The following RIC8B variants were observed in gnomAD, a reference collection of about 807,000 sequenced individuals.
The protein encoded by RIC8B is RIC8 guanine nucleotide exchange factor B, also known as chaperone Ric-8B.
A neutral mutation model predicts 57.5 loss-of-function variants in RIC8B; 16 were observed. The observed-to-expected ratio is 0.28, with a 90% CI of 0.19 to 0.42. The LOEUF (loss-of-function observed/expected upper bound fraction) is 0.42. Ranked by LOEUF, RIC8B falls within the 10% of genes least tolerant of loss-of-function variation. The probability of loss-of-function intolerance (pLI) is 1.00; values close to 1 mark genes in which losing one functional copy is unlikely to be tolerated. For synonymous variants in RIC8B, 216 were observed against 250.8 expected (o/e 0.86, Z 1.31); for missense variants, 481 against 677.0 (o/e 0.71, Z 3.21).
At chr12:106,777,921 A>G (rs1171691991) in intron 1 of RIC8B, among the ~76,000 whole-genome samples, 1 of 152,224 alleles carries the variant, frequency 6.6e-6, no homozygotes, top group Non-Finnish European at 1.5e-5. Context: ...CAGCCTGGCT[A>G]TGATCCTCAA....
intron 9 of RIC8B, 34 bp from the exon 10 acceptor site, chr12:106,885,870 C>G (rs2136694265): frequency 7.0e-7 from 1 of 1,433,140 alleles, no homozygotes; most frequent in Non-Finnish European, 9.8e-7. Flanking sequence ...CTGGTGAATA[C>G]TTTTTTTTCT....
chr12:106,843,295 G>A (rs571161100), intron 5 of RIC8B, among the ~76,000 whole-genome samples: 1 of 152,244 alleles, frequency 6.6e-6, no homozygotes, highest in Non-Finnish European at 1.5e-5. Flanking sequence ...AAGGCAGCAA[G>A]GTAGCATAGT....
intron 2 of RIC8B, among the ~76,000 whole-genome samples, chr12:106,809,536 A>AAAAC (rs1313032761): frequency 8.0e-6 from 1 of 124,972 alleles, no homozygotes; most frequent in African/African-American, 2.9e-5. Context: ...AAAAAAAAAA[A>AAAAC]AAAAAAAAAG....
At chr12:106,846,472 T>A (rs1949190870) in intron 6 of RIC8B, among the ~76,000 whole-genome samples, 1 of 152,118 alleles carries the variant, frequency 6.6e-6, no homozygotes, top group South Asian at 2.1e-4. Flanking sequence ...ATAGAGACCA[T>A]CTTTGAGGAA....
intron 3 of RIC8B, among the ~76,000 whole-genome samples, chr12:106,818,176 CT>C (rs968065459): frequency 3.6e-4 from 53 of 147,974 alleles, no homozygotes; most frequent in Middle Eastern, 3.2e-3. Flanking sequence ...ACTTTTTTTT[CT>C]TTTTTTTTTG....
At chr12:106,851,645 A>G in intron 7 of RIC8B, 51 bp downstream of exon 7, 1 of 1,528,532 alleles carries the variant, frequency 6.5e-7, no homozygotes, top group African/African-American at 1.4e-5. Context: ...AGGGACTTTG[A>G]GAAATTTAAT....
intron 8 of RIC8B, 86 bp downstream of exon 8, chr12:106,860,498 T>G: frequency 3.7e-6 from 4 of 1,077,274 alleles, no homozygotes; most frequent in Non-Finnish European, 5.0e-6. Flanking sequence ...CAAGTGTTTC[T>G]TTTCTCTTGT....
intron 6 of RIC8B, among the ~76,000 whole-genome samples, chr12:106,849,925 A>G (rs1483809265): frequency 6.6e-6 from 1 of 152,234 alleles, no homozygotes; most frequent in Admixed American, 6.5e-5. Flanking sequence ...GAAGAAATCA[A>G]CAATGGAGAT....
At chr12:106,800,510 G>C (rs2044684824) in intron 2 of RIC8B, among the ~76,000 whole-genome samples, 1 of 152,158 alleles carries the variant, frequency 6.6e-6, no homozygotes, top group African/African-American at 2.4e-5. Flanking sequence ...TTCAACATGA[G>C]ATTGAGGGGG....
At position 106,775,256 on chromosome 12, in the gene RIC8B, C is replaced by G. The variant is rs1035920046; in HGVS notation, c.84+427C>G. On this transcript the variant is annotated intron_variant, in intron 1 of 9. Transcript: ENST00000392837. ...AATGTATCAGCAACGATGGCAGTTT[C>G]TATACGTTTAGCACTGTACGGTTTT... The G allele has an allele frequency of 1.1e-5, 5 of 435,526 alleles. No homozygotes were observed. In the Admixed American group the frequency reaches 1.3e-4, roughly 12 times the overall value. 27.0% of individuals were successfully genotyped at this position (435,526 alleles called of 1,614,324 possible).
chr12:106,841,421 G>C (rs1948941280), intron 4 of RIC8B, among the ~76,000 whole-genome samples: 1 of 152,042 alleles, frequency 6.6e-6, no homozygotes, highest in Non-Finnish European at 1.5e-5. Context: ...CACAATTCAG[G>C]GTAGAGGAAA....
rs758876525 is a variant in RIC8B at position 106,853,453 on chromosome 12, C to CTTTTTTTTTTTTTTTT, written c.1306+1877_1306+1892dup. Among the ~76,000 whole-genome samples the CTTTTTTTTTTTTTTTT allele has an allele frequency of 2.1e-3, 80 of 38,038 alleles. 22 individuals carry two copies. The highest frequency in any genetic ancestry group is 4.8e-3 in the East Asian group (4 of 834). 25.0% of individuals were successfully genotyped at this position (38,038 alleles called of 152,430 possible). Reference sequence around the variant, plus strand: ...GACCTCAACAATTCTGCTTTATAGTCTTTTTTTTTTTTTTTTTTTTTTTTT... The same window carrying CTTTTTTTTTTTTTTTT: ...GACCTCAACAATTCTGCTTTATAGTCTTTTTTTTTTTTTTTTTTTTTTTTTTTTTTTTTTTTTTTTT... On this transcript the variant is annotated intron_variant, in intron 7 of 9. Transcript: ENST00000392837.
At chr12:106,797,557 G>A (rs73397313) in intron 2 of RIC8B, among the ~76,000 whole-genome samples, 17,497 of 152,182 alleles carry the variant, frequency 0.11, 1,145 homozygotes, top group Middle Eastern at 0.16. Flanking sequence ...TGATGAGAAT[G>A]TTCTAAAATT....
At chr12:106,794,594 T>C (rs114380385) in intron 2 of RIC8B, among the ~76,000 whole-genome samples, 1 of 151,998 alleles carries the variant, frequency 6.6e-6, no homozygotes, top group African/African-American at 2.4e-5. Context: ...AGCTGACTTA[T>C]CAGAAATGTA....
chr12:106,871,065 C>T, intron 9 of RIC8B, 123 bp downstream of exon 9: 2 of 944,368 alleles, frequency 2.1e-6, no homozygotes, highest in Admixed American at 2.9e-5. Context: ...ATAGGGTGGC[C>T]CAGGCAGCAG....
intron 9 of RIC8B, among the ~76,000 whole-genome samples, chr12:106,881,339 G>GTT (rs529698515): frequency 3.3e-4 from 47 of 141,914 alleles, no homozygotes; most frequent in African/African-American, 1.1e-3. Context: ...CTTTTGAGTT[G>GTT]TTTTTTTTTT....
Position 106,774,787 on chromosome 12 carries a change from A to G in RIC8B, c.42A>G (p.Glu14=). 1 of 1,553,998 alleles carries G rather than the reference A, an allele frequency of 6.4e-7. No homozygotes were observed. Among genetic ancestry groups the G allele is most frequent in the Non-Finnish European group, 8.7e-7 (1 of 1,148,216 alleles). ...ERALYIVRAG[E]AGAIERVLRD... ...CCCTCTACATCGTCCGGGCCGGCGA[A>G]GCAGGGGCTATCGAGCGGGTCCTGA... The change falls in exon 1 of 10, where the codon GAA becomes GAG. Residue 14 remains glutamate (E), a synonymous_variant. Coordinates refer to ENST00000392837, the MANE Select transcript of RIC8B (RefSeq NM_001330145.2).
chr12:106,814,737 C>G lies in RIC8B; in HGVS notation c.174C>G (p.Ile58Met), dbSNP rs1032893625. 1.2e-6 allele frequency: 2 copies of G among 1,612,978 alleles called. No homozygotes were observed. The highest frequency in any genetic ancestry group is 4.5e-5 in the East Asian group (2 of 44,880). The change falls in exon 3 of 10, where the codon ATC (isoleucine) becomes ATG (methionine). Residue 58 changes from isoleucine to methionine, a missense_variant. Physicochemically the swap from Ile to Met is conservative, Grantham distance 10 (BLOSUM62 1). Coordinates refer to ENST00000392837, the MANE Select transcript of RIC8B (RefSeq NM_001330145.2). The part of the protein sequence containing the change: ...EGIFKVLIKD[I>M]PTTCQVSCLE... ...TATTTAAAGTCCTTATAAAGGACAT[C>G]CCAACAACATGTCAAGTGTCCTGCC...
chr12:106,839,407 G>GAT (rs779130441), intron 4 of RIC8B, among the ~76,000 whole-genome samples: 82 of 152,310 alleles, frequency 5.4e-4, no homozygotes, highest in Non-Finnish European at 1.0e-3. Context: ...GGGTGGATCT[G>GAT]GAGGGCATTA....
Sources: gnomAD v4.1 joint callset for allele counts (sites outside exome capture counted in the v4.1 genomes callset) on GRCh38, gnomAD v4.1.1 for gene constraint, MANE v1.5 for transcripts, NCBI Gene and HGNC (gene_info 2026-07-23, HGNC 2026-07-21) for gene names.